Variants in TTLL12 observed in about 807,000 individuals in gnomAD.
The protein encoded by TTLL12 is tubulin tyrosine ligase like 12, also known as tubulin--tyrosine ligase-like protein 12.
A neutral mutation model predicts 79.6 loss-of-function variants in TTLL12; 77 were observed. The ratio of observed to expected loss-of-function variants is 0.97; its 90% CI spans 0.81 to 1.17. The LOEUF is 1.17. Among genes scored for constraint, TTLL12 ranks in the 50% most tolerant of loss-of-function variants. The pLI is 0.00. For missense variants in TTLL12, 969 were observed against 895.9 expected (o/e 1.08, Z -1.04); for synonymous variants, 437 against 376.1 (o/e 1.16, Z -1.87).
intron 5 of TTLL12, among the ~76,000 whole-genome samples, chr22:43,177,654 C>G (rs1483144786): frequency 6.6e-6 from 1 of 152,188 alleles, no homozygotes; most frequent in African/African-American, 2.4e-5. Flanking sequence ...AGGCAGGGAG[C>G]CCAGGCCTGC....
rs1458460842 is a variant in TTLL12, at chr22:43,179,762, G to A, written c.707-10C>T. ...TCTCGGGTCACCTCCTCTGTGCCAAGACATGAGTGCCCATCAGAGGGGGTG... is the reference window on the plus strand; with the variant it reads ...TCTCGGGTCACCTCCTCTGTGCCAAAACATGAGTGCCCATCAGAGGGGGTG... On this transcript the variant is annotated splice_polypyrimidine_tract_variant and intron_variant, in intron 4 of 13. Transcript: ENST00000216129. The A allele has an allele frequency of 1.9e-6, 3 of 1,559,866 alleles. No homozygotes were observed. The highest frequency in any genetic ancestry group is 2.6e-6 in the Non-Finnish European group (3 of 1,150,830).
Position 43,187,125 on chromosome 22 carries a change from C to G in TTLL12, c.-56G>C, listed in dbSNP as rs1569488725. Reference sequence around the variant, plus strand: ...GCCACCGCCGCCGCCGCCCGCCGTCCGTCGGCCCTGCCCTCCCGCCTCCGC... The same window carrying G: ...GCCACCGCCGCCGCCGCCCGCCGTCGGTCGGCCCTGCCCTCCCGCCTCCGC... On this transcript the variant is annotated 5_prime_UTR_variant, in exon 1 of 14. Transcript: ENST00000216129. 1.0e-6 allele frequency: 1 copy of G among 1,002,190 alleles called. No individual in the cohort carries two copies. Among genetic ancestry groups the G allele is most frequent in the South Asian group, 4.6e-5 (1 of 21,872 alleles). The allele number at this position is 1,002,190 out of a possible 1,614,324, so 62.1% of individuals were successfully genotyped here. A position where few individuals can be genotyped will look rare whatever the true frequency, so the allele number is the denominator to read the frequency against.
chr22:43,183,862 G>A (rs1205912981), intron 1 of TTLL12, among the ~76,000 whole-genome samples: 1 of 152,278 alleles, frequency 6.6e-6, no homozygotes, highest in African/African-American at 2.4e-5. Flanking sequence ...CTGGAGCCAG[G>A]CTGTGTGGGT....
chr22:43,172,537 G>C lies in TTLL12; in HGVS notation c.1359C>G (p.Ile453Met), dbSNP rs373585281. Residue 453 changes from isoleucine (I) to methionine (M), a missense_variant, in exon 10 of 14, where the codon ATC becomes ATG. By Grantham distance (10) the Ile-to-Met change is conservative. Transcript: ENST00000216129. Reference protein sequence around the residue: ...ESTPKVVSKYIESPVLFLRED... With the variant: ...ESTPKVVSKYMESPVLFLRED... The stretch of plus-strand genomic sequence containing the variant: ...CTCGAAGGAACAACACGGGACTTTC[G>C]ATGTACTTGGACACAACCTGGAGGA... 1.2e-6 allele frequency: 2 copies of C among 1,613,926 alleles called. No individual in the cohort carries two copies. The highest frequency in any genetic ancestry group is 2.7e-5 in the African/African-American group (2 of 74,872).
intron 3 of TTLL12, 113 bp downstream of exon 3, chr22:43,180,629 G>T: frequency 8.1e-7 from 1 of 1,235,582 alleles, no homozygotes; most frequent in Non-Finnish European, 1.2e-6. Context: ...AGCCACAGGA[G>T]AAAGTGAGTT....
chr22:43,168,917 G>T lies in TTLL12; in HGVS notation c.1645-5C>A, dbSNP rs117616050. On this transcript the variant is annotated splice_polypyrimidine_tract_variant and splice_region_variant and intron_variant, in intron 12 of 13. Transcript: ENST00000216129. ...GAAGGCCCGGAAGATCTCAGCCTGGGGACCGGGGAGCCTGAGTTACGAGGC... is the reference window on the plus strand; with the variant it reads ...GAAGGCCCGGAAGATCTCAGCCTGGTGACCGGGGAGCCTGAGTTACGAGGC... 5,658 of 1,607,664 alleles carry T rather than the reference G, an allele frequency of 3.5e-3. 106 individuals carry two copies. The East Asian group carries it at 0.049, about 14-fold the overall frequency.
rs1260455424 is a variant in TTLL12 at position 43,187,006 on chromosome 22, C to G, written c.64G>C (p.Glu22Gln). ...AERSSPGQTP[E>Q]EGAQALAEFA... The stretch of plus-strand genomic sequence containing the variant: ...TCGGCCAAGGCCTGCGCGCCCTCCT[C>G]CGGCGTCTGGCCCGGGCTGCTACGC... Residue 22 changes from glutamate to glutamine, a missense_variant, in exon 1 of 14, where the codon GAG becomes CAG. By Grantham distance (29) the Glu-to-Gln change is conservative. Coordinates refer to ENST00000216129, the MANE Select transcript of TTLL12 (RefSeq NM_015140.4). 8 of 1,278,950 alleles carry G rather than the reference C, an allele frequency of 6.3e-6. No individual in the cohort carries two copies. Among genetic ancestry groups the G allele is most frequent in the Non-Finnish European group, 7.9e-6 (8 of 1,008,968 alleles). 79.2% of individuals were successfully genotyped at this position (1,278,950 alleles called of 1,614,324 possible).
intron 5 of TTLL12, among the ~76,000 whole-genome samples, chr22:43,176,729 C>CAAAA: frequency 1.7e-5 from 1 of 58,896 alleles, no homozygotes; most frequent in Non-Finnish European, 3.1e-5. Flanking sequence ...GACTACATCT[C>CAAAA]AAAAAAAAAA....
chr22:43,180,265 T>C lies in TTLL12; in HGVS notation c.547-265A>G, dbSNP rs1315453656. Reference sequence around the variant, plus strand: ...AACAAGGCACTCAGCCCAGCACCCGTAGGGGTGTATATGGGTTTGAGGGTA... The same window carrying C: ...AACAAGGCACTCAGCCCAGCACCCGCAGGGGTGTATATGGGTTTGAGGGTA... On this transcript the variant is annotated intron_variant, in intron 3 of 13. Transcript: ENST00000216129. Among the ~76,000 whole-genome samples the C allele has an allele frequency of 7.2e-5, 11 of 152,000 alleles. No individual in the cohort carries two copies. The East Asian group carries it at 2.1e-3, about 29-fold the overall frequency.
At chr22:43,186,198 C>CCCA (rs1555982136) in intron 1 of TTLL12, among the ~76,000 whole-genome samples, 4 of 148,576 alleles carry the variant, frequency 2.7e-5, no homozygotes, top group Non-Finnish European at 4.5e-5. Flanking sequence ...CACCCCCCCC[C>CCCA]CCGCCAGCCC....
At chr22:43,176,816 G>C (rs117082693) in intron 5 of TTLL12, among the ~76,000 whole-genome samples, 6 of 150,460 alleles carry the variant, frequency 4.0e-5, no homozygotes, top group African/African-American at 1.5e-4. Context: ...CTCAAGGGGC[G>C]CATGGCTGCT....
intron 13 of TTLL12, 56 bp downstream of exon 13, chr22:43,168,718 G>A: frequency 6.5e-7 from 1 of 1,541,842 alleles, no homozygotes; most frequent in South Asian, 1.2e-5. Flanking sequence ...GGCTGTGGCT[G>A]GCTGGCGGAG....
chr22:43,179,322 A>G (rs1389887027), intron 5 of TTLL12, among the ~76,000 whole-genome samples: 1 of 152,096 alleles, frequency 6.6e-6, no homozygotes, highest in Non-Finnish European at 1.5e-5. Flanking sequence ...AGTGGGGCTC[A>G]TGGCCAAGAC....
At chr22:43,180,407 G>A (rs989855209) in intron 3 of TTLL12, among the ~76,000 whole-genome samples, 1 of 152,156 alleles carries the variant, frequency 6.6e-6, no homozygotes, top group Non-Finnish European at 1.5e-5. Flanking sequence ...AGAGTGGTGA[G>A]GGGCTGGAGC....
At chr22:43,182,922 G>A in intron 2 of TTLL12, 58 bp downstream of exon 2, 1 of 1,579,474 alleles carries the variant, frequency 6.3e-7, no homozygotes, top group Non-Finnish European at 8.6e-7. Context: ...CTGCATTACT[G>A]CATCTCCCAC....
At chr22:43,170,917 A>AC in intron 11 of TTLL12, among the ~76,000 whole-genome samples, 1 of 151,984 alleles carries the variant, frequency 6.6e-6, no homozygotes, top group South Asian at 2.1e-4. Context: ...TTGTCTCTCA[A>AC]AAAAACAAAA....
rs190415544 is a variant in TTLL12 at position 43,173,900 on chromosome 22, G to A, written c.1230-74C>T. The A allele has an allele frequency of 2.4e-4, 322 of 1,329,096 alleles. 5 individuals are homozygous for A. The East Asian group carries it at 6.4e-3, about 27-fold the overall frequency. The allele number at this position is 1,329,096 out of a possible 1,614,324, so 82.3% of individuals were successfully genotyped here. A position where few individuals can be genotyped will look rare whatever the true frequency, so the allele number is the denominator to read the frequency against. The stretch of plus-strand genomic sequence containing the variant: ...AGATGGTGCCACCCCAGGACCCAGA[G>A]GCAGAAGAGGGCAGCCCACTTCTCC... On this transcript the variant is annotated intron_variant, in intron 8 of 13. Transcript: ENST00000216129.
chr22:43,181,072 A>G, intron 2 of TTLL12, 132 bp from the exon 3 acceptor site: 1 of 1,031,296 alleles, frequency 9.7e-7, no homozygotes, highest in East Asian at 2.6e-5. Context: ...TGGGTGCCAT[A>G]GTTATGCCTA....
Position 43,167,918 on chromosome 22 carries a change from G to T in TTLL12, c.*90C>A, listed in dbSNP as rs529948610. 6.6e-7 allele frequency: 1 copy of T among 1,507,778 alleles called. No individual in the cohort carries two copies. The highest frequency in any genetic ancestry group is 9.0e-7 in the Non-Finnish European group (1 of 1,107,324). The allele number at this position is 1,507,778 out of a possible 1,614,324, so 93.4% of individuals were successfully genotyped here. A position where few individuals can be genotyped will look rare whatever the true frequency, so the allele number is the denominator to read the frequency against. ...CTGAGGCTATGCCCAGGGCCGGTGTGGGGAGGGACATGGGGGCCTTTGCAG... is the reference window on the plus strand; with the variant it reads ...CTGAGGCTATGCCCAGGGCCGGTGTTGGGAGGGACATGGGGGCCTTTGCAG... On this transcript the variant is annotated 3_prime_UTR_variant, in exon 14 of 14. Coordinates refer to ENST00000216129, the MANE Select transcript of TTLL12 (RefSeq NM_015140.4).
Sources: gnomAD v4.1 joint callset for allele counts (sites outside exome capture counted in the v4.1 genomes callset) on GRCh38, gnomAD v4.1.1 for gene constraint, MANE v1.5 for transcripts, NCBI Gene and HGNC (gene_info 2026-07-23, HGNC 2026-07-21) for gene names.